The following NOL4L variants were observed in gnomAD, a reference collection of about 807,000 sequenced individuals.
NOL4L encodes nucleolar protein 4 like.
A neutral mutation model predicts 64.5 loss-of-function variants in NOL4L; 7 were observed. The observed-to-expected ratio is 0.11, with a 90% CI of 0.06 to 0.20. NOL4L has a LOEUF of 0.20. Among genes scored for constraint, NOL4L ranks in the 10% least tolerant of loss-of-function variants. The probability of loss-of-function intolerance (pLI) is 1.00; values close to 1 mark genes in which losing one functional copy is unlikely to be tolerated. For synonymous variants in NOL4L, 413 were observed against 401.0 expected, an observed-to-expected ratio of 1.03 and a Z score of -0.36; for missense variants, 680 against 967.1, an observed-to-expected ratio of 0.70 and a Z score of 3.94.
intron 4 of NOL4L, among the ~76,000 whole-genome samples, chr20:32,507,730 C>T (rs1045413388): frequency 7.2e-5 from 11 of 152,158 alleles, no homozygotes; most frequent in Non-Finnish European, 1.3e-4. Context: ...TTTATCCTGG[C>T]CGGGCACAGT....
Position 32,444,605 on chromosome 20 carries a change from ACACT to A in NOL4L, c.*2987_*2990del, listed in dbSNP as rs1344221853. 1 of 152,206 alleles carries A rather than the reference ACACT, an allele frequency of 6.6e-6. No homozygotes were observed. The highest frequency in any genetic ancestry group is 1.5e-5 in the Non-Finnish European group (1 of 68,052). The allele number at this position is 152,206 out of a possible 1,614,324, so 9.4% of individuals were successfully genotyped here. ...AAAATGAATTTCAGATGGGTTACAC[ACACT>A]ATCACTTGTCTACCTGATGATCCAC... On this transcript the variant is annotated 3_prime_UTR_variant, in exon 11 of 11. Coordinates refer to ENST00000621426, the MANE Select transcript of NOL4L (RefSeq NM_001256798.2).
intron 1 of NOL4L, among the ~76,000 whole-genome samples, chr20:32,576,038 G>A (rs542940941): frequency 1.2e-4 from 19 of 152,336 alleles, no homozygotes; most frequent in East Asian, 1.2e-3. Flanking sequence ...CCAAATGAAC[G>A]AGGCGAGAGG....
At chr20:32,479,803 C>T (rs748162493) in intron 4 of NOL4L, among the ~76,000 whole-genome samples, 1 of 152,244 alleles carries the variant, frequency 6.6e-6, no homozygotes, top group Non-Finnish European at 1.5e-5. Context: ...AAGAGTTAGG[C>T]AGGCAGATGG....
intron 4 of NOL4L, among the ~76,000 whole-genome samples, chr20:32,508,244 G>A (rs566940142): frequency 6.6e-6 from 1 of 152,322 alleles, no homozygotes; most frequent in South Asian, 2.1e-4. Context: ...GGATGGTGGG[G>A]AGTCATTCGC....
At chr20:32,494,532 A>G (rs972859093) in intron 4 of NOL4L, among the ~76,000 whole-genome samples, 4 of 152,064 alleles carry the variant, frequency 2.6e-5, no homozygotes, top group African/African-American at 9.7e-5. Context: ...ACCCAAAGTG[A>G]TTGTCAAAGT....
chr20:32,567,694 A>G (rs1979511409), intron 1 of NOL4L, among the ~76,000 whole-genome samples: 1 of 152,226 alleles, frequency 6.6e-6, no homozygotes, highest in African/African-American at 2.4e-5. Context: ...GGCAAGTGGC[A>G]TAAGATCTCA....
rs1379822744 is a variant in NOL4L, at chr20:32,453,273, G to A, written c.1497+31C>T. 2 of 1,603,994 alleles carry A rather than the reference G, an allele frequency of 1.2e-6. No individual in the cohort carries two copies. The highest frequency in any genetic ancestry group is 1.3e-5 in the African/African-American group (1 of 74,950). ...GCAGGAGGTCAGTAGTGGCACCGAG[G>A]GAAAGTGTGGGCCAGGCAGGGGGGA... On this transcript the variant is annotated intron_variant, in intron 8 of 10. Transcript: ENST00000621426. This position sits in a 1 kb window ranked among gnomAD's most constrained non-coding sequence, Gnocchi z 5.6.
At position 32,527,897 on chromosome 20, in the gene NOL4L, G is replaced by C; in HGVS notation, c.338C>G (p.Ser113Trp). Reference sequence around the variant, plus strand: ...CTTCAGAGAGATGCCCTCTGGCTCCGACAGGCCATCTGCCCCCTGCGACAG... The same window carrying C: ...CTTCAGAGAGATGCCCTCTGGCTCCCACAGGCCATCTGCCCCCTGCGACAG... ...VKTGSGADGL[S>W]EPEGISLKRV... The change falls in exon 2 of 11, where the codon TCG (serine) becomes TGG (tryptophan). Residue 113 changes from serine to tryptophan, a missense_variant. Coordinates refer to ENST00000621426, the MANE Select transcript of NOL4L (RefSeq NM_001256798.2). The C allele has an allele frequency of 6.4e-7, 1 of 1,550,414 alleles. No individual in the cohort carries two copies. The highest frequency in any genetic ancestry group is 8.7e-7 in the Non-Finnish European group (1 of 1,146,912).
At chr20:32,521,717 T>A (rs1029312019) in intron 2 of NOL4L, among the ~76,000 whole-genome samples, 2 of 151,984 alleles carry the variant, frequency 1.3e-5, no homozygotes, top group Non-Finnish European at 1.5e-5. Context: ...TGGGCCTAGG[T>A]GTCCAGCCCT....
intron 1 of NOL4L, among the ~76,000 whole-genome samples, chr20:32,572,038 C>A (rs1445627445): frequency 6.6e-6 from 1 of 152,198 alleles, no homozygotes; most frequent in Non-Finnish European, 1.5e-5. Flanking sequence ...CACCCAACTC[C>A]CCAGCCTGGG....
At chr20:32,481,763 CG>C (rs1388694831) in intron 4 of NOL4L, among the ~76,000 whole-genome samples, 1 of 152,152 alleles carries the variant, frequency 6.6e-6, no homozygotes, top group Non-Finnish European at 1.5e-5. Flanking sequence ...ATTTACTACC[CG>C]GGGGGCTAAA....
chr20:32,502,618 A>T (rs2016967983), intron 4 of NOL4L, among the ~76,000 whole-genome samples: 2 of 139,574 alleles, frequency 1.4e-5, no homozygotes, highest in Non-Finnish European at 3.1e-5. Context: ...TATAAAAATA[A>T]AAATAATGCA....
At chr20:32,500,698 G>A (rs960912675) in intron 4 of NOL4L, among the ~76,000 whole-genome samples, 1 of 152,038 alleles carries the variant, frequency 6.6e-6, no homozygotes, top group Non-Finnish European at 1.5e-5. Context: ...TATGCAAGAT[G>A]AGCCTGGAGT....
intron 1 of NOL4L, among the ~76,000 whole-genome samples, chr20:32,550,859 G>A (rs1018263998): frequency 2.0e-5 from 3 of 151,218 alleles, no homozygotes; most frequent in Non-Finnish European, 4.4e-5. Flanking sequence ...CTCCAGCCTG[G>A]GCGACAGGGT....
chr20:32,475,307 T>C (rs1468588962), intron 4 of NOL4L: 1 of 985,454 alleles, frequency 1.0e-6, no homozygotes. Context: ...GCTTCAAAGA[T>C]ACGCTCTTGG....
chr20:32,543,482 G>A (rs916158428), intron 1 of NOL4L, among the ~76,000 whole-genome samples: 6 of 152,172 alleles, frequency 3.9e-5, no homozygotes, highest in African/African-American at 1.4e-4. Flanking sequence ...AGCTGGGTGT[G>A]GTTGTGGGCA....
rs1441596695 is a variant in NOL4L at position 32,463,247 on chromosome 20, CTGGAAG to C, written c.842-6858_842-6853del. Among the ~76,000 whole-genome samples, 5 of 152,188 alleles carry C rather than the reference CTGGAAG, an allele frequency of 3.3e-5. No individual in the cohort carries two copies. The highest frequency in any genetic ancestry group is 1.2e-4 in the African/African-American group (5 of 41,442). On this transcript the variant is annotated intron_variant, in intron 5 of 10. Coordinates refer to ENST00000621426, the MANE Select transcript of NOL4L (RefSeq NM_001256798.2). The surrounding 1 kb of genome is among the most constrained non-coding windows in gnomAD (Gnocchi z 5.8). ...CTGGATGGACCCTCCACACCTGGAG[CTGGAAG>C]TGGAACCTAAGGGTGCCCAGGTGAC...
intron 4 of NOL4L, among the ~76,000 whole-genome samples, chr20:32,480,721 T>A (rs985298168): frequency 2.0e-5 from 3 of 152,198 alleles, no homozygotes; most frequent in Admixed American, 6.5e-5. Flanking sequence ...GGCTTATTAA[T>A]GGAAGACGAA....
intron 1 of NOL4L, among the ~76,000 whole-genome samples, chr20:32,578,819 C>T (rs1980292307): frequency 6.6e-6 from 1 of 152,232 alleles, no homozygotes; most frequent in South Asian, 2.1e-4. Flanking sequence ...GGCCCTGGCC[C>T]CCTCACTTCA....
Sources: allele counts gnomAD v4.1 joint callset (sites outside exome capture counted in the v4.1 genomes callset), GRCh38; gene constraint gnomAD v4.1.1; non-coding constraint Gnocchi (gnomAD v3.1); transcripts MANE v1.5; gene names NCBI Gene and HGNC (gene_info 2026-07-23, HGNC 2026-07-21).